ESYT3: variants seen among roughly 807,000 people sequenced by gnomAD.
ESYT3 encodes extended synaptotagmin 3, also known as extended synaptotagmin-3.
Under a neutral mutation model 111.5 loss-of-function variants are expected in ESYT3, and 101 were observed. The ratio of observed to expected loss-of-function variants is 0.91; its 90% CI spans 0.77 to 1.07. The LOEUF is 1.07. Among genes scored for constraint, ESYT3 ranks in the 50% least tolerant of loss-of-function variants. The pLI is 0.00. For missense variants in ESYT3, 1,097 were observed against 1,109.4 expected, an observed-to-expected ratio of 0.99 and a Z score of 0.16; for synonymous variants, 416 against 446.8, an observed-to-expected ratio of 0.93 and a Z score of 0.87.
rs1560252447 is a variant in ESYT3 at position 138,477,708 on chromosome 3, T to A, written c.*854T>A. On this transcript the variant is annotated 3_prime_UTR_variant, in exon 23 of 23. Transcript: ENST00000389567. The stretch of plus-strand genomic sequence containing the variant: ...TTTCTAAAGAGATGGTTGGTTCACC[T>A]AAATAACATGTTAAAAGCAAAGTAT... The A allele has an allele frequency of 6.6e-6, 1 of 152,234 alleles. No homozygotes were observed. Among genetic ancestry groups the A allele is most frequent in the Non-Finnish European group, 1.5e-5 (1 of 68,048 alleles). The allele number at this position is 152,234 out of a possible 1,614,324, so 9.4% of individuals were successfully genotyped here.
chr3:138,466,377 C>A (rs1271686456), intron 10 of ESYT3, among the ~76,000 whole-genome samples: 1 of 152,178 alleles, frequency 6.6e-6, no homozygotes, highest in Non-Finnish European at 1.5e-5. Flanking sequence ...GTTTCAGAAA[C>A]AAGCAGAATC....
chr3:138,453,734 A>G (rs1340549105), intron 2 of ESYT3, among the ~76,000 whole-genome samples: 1 of 152,188 alleles, frequency 6.6e-6, no homozygotes, highest in East Asian at 1.9e-4. Flanking sequence ...GAACTCTACA[A>G]GGTTTGCCCA....
intron 10 of ESYT3, among the ~76,000 whole-genome samples, chr3:138,466,287 G>C (rs1461459129): frequency 6.6e-6 from 1 of 152,196 alleles, no homozygotes; most frequent in Non-Finnish European, 1.5e-5. Flanking sequence ...TCAGATTGCT[G>C]TGTTGTTTAG....
At chr3:138,443,759 A>T (rs1293783913) in intron 1 of ESYT3, among the ~76,000 whole-genome samples, 1 of 72,576 alleles carries the variant, frequency 1.4e-5, no homozygotes, top group Non-Finnish European at 2.6e-5. Context: ...TGTGTGTGAC[A>T]TGGCTGCTCC....
At position 138,460,735 on chromosome 3, in the gene ESYT3, CAGG is replaced by C. The variant is rs138775368; in HGVS notation, c.794+72_794+74del. On this transcript the variant is annotated intron_variant, in intron 7 of 22. Transcript: ENST00000389567. Reference sequence around the variant, plus strand: ...GCCTCCAGGGCTCTGCAGCCAGTGACAGGAGCTGTGCAATGGTGGTGCTTTCCC... The same window carrying C: ...GCCTCCAGGGCTCTGCAGCCAGTGACAGCTGTGCAATGGTGGTGCTTTCCC... The C allele has an allele frequency of 8.1e-5, 122 of 1,514,404 alleles. No individual in the cohort carries two copies. In the African/African-American group the frequency reaches 1.6e-3, roughly 19 times the overall value. The allele number at this position is 1,514,404 out of a possible 1,614,324, so 93.8% of individuals were successfully genotyped here. A position where few individuals can be genotyped will look rare whatever the true frequency, so the allele number is the denominator to read the frequency against.
chr3:138,443,756 G>GTGTGTGTGTGACT (rs1553810678), intron 1 of ESYT3, among the ~76,000 whole-genome samples: 5 of 151,368 alleles, frequency 3.3e-5, no homozygotes, highest in African/African-American at 9.8e-5. Flanking sequence ...GTGTGTGTGT[G>GTGTGTGTGTGACT]ACATGGCTGC....
rs749679771 is a variant in ESYT3, at chr3:138,468,732, G to A, written c.1371+15G>A. On this transcript the variant is annotated intron_variant, in intron 13 of 22. Coordinates refer to ENST00000389567, the MANE Select transcript of ESYT3 (RefSeq NM_031913.5). ...GCAACTTGCCGGTGAGTGGCGACAT[G>A]TCCAGAGTGTCACACAAACGCAACA... The A allele has an allele frequency of 1.2e-6, 2 of 1,613,936 alleles. No homozygotes were observed. Among genetic ancestry groups the A allele is most frequent in the East Asian group, 4.5e-5 (2 of 44,894 alleles).
At position 138,435,653 on chromosome 3, in the gene ESYT3, C is replaced by T. The variant is rs2030610109; in HGVS notation, c.327+528C>T. On this transcript the variant is annotated intron_variant, in intron 1 of 22. Transcript: ENST00000389567. The surrounding 1 kb of genome is among the most constrained non-coding windows in gnomAD (Gnocchi z 4.8). The stretch of plus-strand genomic sequence containing the variant: ...GGAGTGGCGGGTACGGCTGGGAGAC[C>T]GACGGCGCCGGGCCCCGGGCCTCCT... Among the ~76,000 whole-genome samples, 1 of 151,530 alleles carries T rather than the reference C, an allele frequency of 6.6e-6. No individual in the cohort carries two copies. Among genetic ancestry groups the T allele is most frequent in the South Asian group, 2.1e-4 (1 of 4,768 alleles).
At chr3:138,460,746 C>A in intron 7 of ESYT3, 80 bp downstream of exon 7, 1 of 1,432,472 alleles carries the variant, frequency 7.0e-7, no homozygotes, top group Non-Finnish European at 9.8e-7. Flanking sequence ...AGGAGCTGTG[C>A]AATGGTGGTG....
rs2033546603 is a variant in ESYT3 at position 138,477,602 on chromosome 3, CA to C, written c.*749del. ...CAAGCCCAGGTCTATGTCTGACTCT[CA>C]TAGCAAAGCACTGGAGACTGCTGAA... On this transcript the variant is annotated 3_prime_UTR_variant, in exon 23 of 23. Transcript: ENST00000389567. 6.6e-6 allele frequency: 1 copy of C among 152,214 alleles called. No individual in the cohort carries two copies. Among genetic ancestry groups the C allele is most frequent in the Non-Finnish European group, 1.5e-5 (1 of 68,052 alleles). The allele number at this position is 152,214 out of a possible 1,614,324, so 9.4% of individuals were successfully genotyped here.
rs1196515861 is a variant in ESYT3 at position 138,472,692 on chromosome 3, G to T, written c.2070G>T (p.Leu690=). ...AGAAGAGTCCAGCCACCATCTTCCT[G>T]ACTGTCCCAGGTCCCCACTCTCCAG... ...GEKKSPATIF[L]TVPGPHSPGP... The change falls in exon 18 of 23, where the codon CTG becomes CTT. Residue 690 remains leucine, a synonymous_variant. Transcript: ENST00000389567. 6.2e-7 allele frequency: 1 copy of T among 1,614,026 alleles called. No homozygotes were observed. Among genetic ancestry groups the T allele is most frequent in the East Asian group, 2.2e-5 (1 of 44,888 alleles).
In ESYT3 at chr3:138,435,548, A is replaced by C. The variant is rs932048278; in HGVS notation, c.327+423A>C. On this transcript the variant is annotated intron_variant, in intron 1 of 22. Coordinates refer to ENST00000389567, the MANE Select transcript of ESYT3 (RefSeq NM_031913.5). The surrounding 1 kb of genome is among the most constrained non-coding windows in gnomAD (Gnocchi z 4.8). ...CAAAACGTAGATGGGCAAATACCGC[A>C]GTGACAGAAACGGCGGGCCCAGTTG... Among the ~76,000 whole-genome samples the C allele has an allele frequency of 6.6e-6, 1 of 152,214 alleles. No homozygotes were observed. The highest frequency in any genetic ancestry group is 1.5e-5 in the Non-Finnish European group (1 of 68,034).
At chr3:138,474,053 C>T (rs2108631089) in intron 19 of ESYT3, among the ~76,000 whole-genome samples, 168 bp from the exon 20 acceptor site, 1 of 152,332 alleles carries the variant, frequency 6.6e-6, no homozygotes, top group Non-Finnish European at 1.5e-5. Context: ...TCATCAGGAC[C>T]ACTGAGCATT....
rs113248944 is a variant in ESYT3, at chr3:138,453,621, T to G, written c.369+1532T>G. ...CTGAAGCCCAAGCCCACAGGAAAGA[T>G]ACAGTCTTGTATCTCCAACGCCTTG... On this transcript the variant is annotated intron_variant, in intron 2 of 22. Transcript: ENST00000389567. Among the ~76,000 whole-genome samples, 92 of 152,170 alleles carry G rather than the reference T, an allele frequency of 6.0e-4. 1 individual carries two copies. The highest frequency in any genetic ancestry group is 2.1e-3 in the African/African-American group (88 of 41,538).
At chr3:138,464,042 T>C (rs2032790170) in intron 8 of ESYT3, among the ~76,000 whole-genome samples, 1 of 152,214 alleles carries the variant, frequency 6.6e-6, no homozygotes, top group Non-Finnish European at 1.5e-5. Context: ...TTAGGTGTCA[T>C]GATTGTTGGC....
intron 22 of ESYT3, 34 bp downstream of exon 22, chr3:138,476,526 C>T: frequency 5.6e-6 from 9 of 1,604,616 alleles, no homozygotes; most frequent in Non-Finnish European, 7.7e-6. Context: ...CACTGTTATC[C>T]TGCTATTCAA....
chr3:138,469,760 A>G (rs1452145901), intron 15 of ESYT3, among the ~76,000 whole-genome samples: 1 of 152,202 alleles, frequency 6.6e-6, no homozygotes, highest in Non-Finnish European at 1.5e-5. Context: ...CCTTTCCACC[A>G]ATCATGAATT....
In ESYT3 at chr3:138,475,572, G is replaced by GA. The variant is rs561911164; in HGVS notation, c.2469-649dup. Among the ~76,000 whole-genome samples the GA allele has an allele frequency of 2.5e-3, 376 of 152,266 alleles. 1 individual carries two copies. Among genetic ancestry groups the GA allele is most frequent in the African/African-American group, 8.8e-3 (365 of 41,562 alleles). On this transcript the variant is annotated intron_variant, in intron 20 of 22. Transcript: ENST00000389567. ...CCTTAGCTGGTAAGAAAAAAACTGA[G>GA]AAGGGGGTTGAGGTGGTCCTGTGAA...
At chr3:138,455,382 T>C (rs1459583218) in intron 3 of ESYT3, 54 bp downstream of exon 3, 5 of 1,596,702 alleles carry the variant, frequency 3.1e-6, no homozygotes, top group Non-Finnish European at 4.3e-6. Context: ...CTTCTCTCTG[T>C]TCCCTCTCCT....
Sources: allele counts gnomAD v4.1 joint callset (sites outside exome capture counted in the v4.1 genomes callset), GRCh38; gene constraint gnomAD v4.1.1; non-coding constraint Gnocchi (gnomAD v3.1); transcripts MANE v1.5; gene names NCBI Gene and HGNC (gene_info 2026-07-23, HGNC 2026-07-21).